Variants in GNB4 observed in about 807,000 individuals in gnomAD.
GNB4 encodes G protein subunit beta 4.
In GNB4, 28 loss-of-function variants were observed where a neutral mutation model predicts 45.2. That is an observed-to-expected ratio of 0.62 (90% CI 0.46 to 0.85). The LOEUF is 0.85. GNB4 is among the 40% of genes least tolerant of loss of function. GNB4 has a pLI of 0.00. For synonymous variants in GNB4, 132 were observed against 143.7 expected (o/e 0.92, Z 0.58); for missense variants, 321 against 425.4 (o/e 0.75, Z 2.16).
intron 8 of GNB4, among the ~76,000 whole-genome samples, chr3:179,412,607 G>A (rs935755031): frequency 2.0e-5 from 3 of 152,122 alleles, no homozygotes; most frequent in South Asian, 2.1e-4. Context: ...TGAGGTTCAC[G>A]AAGATGAAGC....
chr3:179,402,841 G>GTGTC (rs1459077372), intron 9 of GNB4, among the ~76,000 whole-genome samples: 5 of 152,176 alleles, frequency 3.3e-5, no homozygotes, highest in Non-Finnish European at 5.9e-5. Flanking sequence ...GAGCCCCCAG[G>GTGTC]TGTCCCCTTC....
At chr3:179,421,156 T>G (rs1714969469) in intron 2 of GNB4, among the ~76,000 whole-genome samples, 1 of 152,194 alleles carries the variant, frequency 6.6e-6, no homozygotes, top group Admixed American at 6.5e-5. Context: ...CCATCACCAC[T>G]AATTACAGAA....
chr3:179,486,699 T>C, the GNB4 span, among the ~76,000 whole-genome samples: 1 of 152,040 alleles, frequency 6.6e-6, no homozygotes, highest in Admixed American at 6.6e-5. Context: ...TCTGAGGAGG[T>C]TGACACTGGC....
At chr3:179,503,593 C>A in the GNB4 span, among the ~76,000 whole-genome samples, 2 of 152,290 alleles carry the variant, frequency 1.3e-5, no homozygotes, top group African/African-American at 2.4e-5. Flanking sequence ...TGTTCTCTAG[C>A]GGTGAATTAA....
intron 1 of GNB4, among the ~76,000 whole-genome samples, chr3:179,446,014 T>C (rs1715711805): frequency 6.6e-6 from 1 of 152,222 alleles, no homozygotes; most frequent in African/African-American, 2.4e-5. Flanking sequence ...TGTAGAAACA[T>C]TTCATGTGAT....
At chr3:179,427,932 C>T (rs1354685683) in intron 1 of GNB4, among the ~76,000 whole-genome samples, 1 of 152,064 alleles carries the variant, frequency 6.6e-6, no homozygotes, top group African/African-American at 2.4e-5. Flanking sequence ...CCCCTAAGTA[C>T]AAAACCCAAG....
chr3:179,473,289 A>ATT, the GNB4 span, among the ~76,000 whole-genome samples: 6 of 151,592 alleles, frequency 4.0e-5, no homozygotes, highest in African/African-American at 7.3e-5. Flanking sequence ...TACTGAAGGA[A>ATT]TTTTTTTTTA....
At chr3:179,504,741 G>T in the GNB4 span, among the ~76,000 whole-genome samples, 2 of 152,164 alleles carry the variant, frequency 1.3e-5, no homozygotes, top group Non-Finnish European at 2.9e-5. Context: ...GGTGGTAAAA[G>T]TCTGAGTATT....
At chr3:179,503,058 G>A in the GNB4 span, among the ~76,000 whole-genome samples, 580 of 152,248 alleles carry the variant, frequency 3.8e-3, 6 homozygotes, top group African/African-American at 0.013. Flanking sequence ...GCTCTCAAAC[G>A]CCTGTCCTCA....
At chr3:179,433,622 A>G (rs1297377489) in intron 1 of GNB4, among the ~76,000 whole-genome samples, 1 of 151,940 alleles carries the variant, frequency 6.6e-6, no homozygotes, top group Non-Finnish European at 1.5e-5. Context: ...ACGGTGGAAA[A>G]AAAAAAAAAG....
chr3:179,412,414 G>A (rs1165971704), intron 8 of GNB4, among the ~76,000 whole-genome samples: 10 of 151,988 alleles, frequency 6.6e-5, no homozygotes. Context: ...GGAGTTCAAG[G>A]CTGCTGTGAG....
chr3:179,452,219 T>G (rs139618114), upstream of GNB4, among the ~76,000 whole-genome samples: 1 of 50,974 alleles, frequency 2.0e-5, no homozygotes, highest in Admixed American at 1.9e-4. Context: ...CTCAATCGAG[T>G]TTTTTTTTTT....
rs528907931 is a variant in GNB4 at position 179,401,472 on chromosome 3, C to G, written c.917-153G>C. Among the ~76,000 whole-genome samples the G allele has an allele frequency of 2.1e-3, 314 of 151,040 alleles. 2 individuals are homozygous for G. Among genetic ancestry groups the G allele is most frequent in the African/African-American group, 7.1e-3 (287 of 40,476 alleles). On this transcript the variant is annotated intron_variant, in intron 9 of 9. Transcript: ENST00000232564. ...ATAATAATAATTTAAAAGAAAACAA[C>G]AAATTTCTCTGAGTAAGAAGACAAG...
At chr3:179,429,824 A>G (rs1449349427) in intron 1 of GNB4, among the ~76,000 whole-genome samples, 1 of 152,136 alleles carries the variant, frequency 6.6e-6, no homozygotes. Flanking sequence ...CTACCTGGCA[A>G]CCCTGCACAG....
the GNB4 span, among the ~76,000 whole-genome samples, chr3:179,470,586 C>T: frequency 6.6e-6 from 1 of 151,156 alleles, no homozygotes; most frequent in East Asian, 1.9e-4. Flanking sequence ...ACTCTGTCAC[C>T]TAGGCTGGAG....
the GNB4 span, among the ~76,000 whole-genome samples, chr3:179,502,337 G>T: frequency 6.8e-6 from 1 of 146,754 alleles, no homozygotes; most frequent in Non-Finnish European, 1.5e-5. Context: ...GAGTTCAAGC[G>T]ATTCTCCTGC....
the GNB4 span, chr3:179,465,022 C>T: frequency 6.6e-7 from 1 of 1,516,272 alleles, no homozygotes; most frequent in South Asian, 1.1e-5. Context: ...GAGGTGATGC[C>T]ACTGTTACAA....
chr3:179,416,572 CA>C lies in GNB4; in HGVS notation c.204-17del. On this transcript the variant is annotated splice_polypyrimidine_tract_variant and intron_variant, in intron 4 of 9. Coordinates refer to ENST00000232564, the MANE Select transcript of GNB4 (RefSeq NM_021629.4). Reference sequence around the variant, plus strand: ...GACTAGCAGCCTAGAGGAACAAACACAAAAATAATTTGACACTTAGAGGGAA... The same window carrying C: ...GACTAGCAGCCTAGAGGAACAAACACAAAATAATTTGACACTTAGAGGGAA... The C allele has an allele frequency of 6.4e-7, 1 of 1,554,892 alleles. No homozygotes were observed. Among genetic ancestry groups the C allele is most frequent in the Non-Finnish European group, 8.7e-7 (1 of 1,143,800 alleles).
the GNB4 span, among the ~76,000 whole-genome samples, chr3:179,522,366 C>T: frequency 7.0e-6 from 1 of 142,524 alleles, no homozygotes; most frequent in Non-Finnish European, 1.5e-5. Flanking sequence ...CGGCCACACC[C>T]CTATCTCCCT....
Sources: allele counts gnomAD v4.1 joint callset (sites outside exome capture counted in the v4.1 genomes callset), GRCh38; gene constraint gnomAD v4.1.1; transcripts MANE v1.5; gene names NCBI Gene and HGNC (gene_info 2026-07-23, HGNC 2026-07-21).